ZSCAN25: variants seen among roughly 807,000 people sequenced by gnomAD.
ZSCAN25 encodes the protein zinc finger and SCAN domain-containing protein 25.
In ZSCAN25, 27 loss-of-function variants were observed where a neutral mutation model predicts 38.7. The ratio of observed to expected loss-of-function variants is 0.70; its 90% CI spans 0.51 to 0.96. The LOEUF is 0.96. Among genes scored for constraint, ZSCAN25 ranks in the 40% least tolerant of loss-of-function variants. The probability of loss-of-function intolerance (pLI) is 0.00; values close to 1 mark genes in which losing one functional copy is unlikely to be tolerated. For missense variants in ZSCAN25, 637 were observed against 705.9 expected (o/e 0.90, Z 1.11); for synonymous variants, 273 against 277.7 (o/e 0.98, Z 0.17).
chr7:99,652,552 C>G, the ZSCAN25 span: 2 of 1,598,152 alleles, frequency 1.3e-6, no homozygotes, highest in Non-Finnish European at 8.5e-7. Flanking sequence ...GAGACTTGTA[C>G]CTTTCAGGGC....
chr7:99,685,310 A>G, the ZSCAN25 span: 3 of 1,570,510 alleles, frequency 1.9e-6, no homozygotes, highest in Non-Finnish European at 2.6e-6. Context: ...AAAGTAAACA[A>G]AAAATGTATT....
chr7:99,672,164 G>T, the ZSCAN25 span, among the ~76,000 whole-genome samples: 1 of 152,178 alleles, frequency 6.6e-6, no homozygotes, highest in Admixed American at 6.5e-5. Flanking sequence ...CGATTCTCCT[G>T]TCTCAGACTA....
chr7:99,668,670 CAA>C, the ZSCAN25 span, among the ~76,000 whole-genome samples: 2 of 152,290 alleles, frequency 1.3e-5, no homozygotes, highest in Admixed American at 6.5e-5. Context: ...AATTAACTAA[CAA>C]AGAGCGAGAG....
At chr7:99,643,594 A>G in the ZSCAN25 span, among the ~76,000 whole-genome samples, 7 of 152,176 alleles carry the variant, frequency 4.6e-5, no homozygotes, top group South Asian at 1.5e-3. Context: ...TTTTATGGCC[A>G]GAGACCCAGG....
At chr7:99,683,891 C>T in the ZSCAN25 span, among the ~76,000 whole-genome samples, 2 of 152,066 alleles carry the variant, frequency 1.3e-5, no homozygotes, top group Non-Finnish European at 2.9e-5. Context: ...GGATAAGTTA[C>T]TCAGGAAGGG....
chr7:99,720,624 G>GC, the ZSCAN25 span: 1 of 511,646 alleles, frequency 2.0e-6, no homozygotes, highest in Admixed American at 3.2e-5. Context: ...GGTAATGTGG[G>GC]CCAAACAGGG....
At chr7:99,670,255 GT>G in the ZSCAN25 span, among the ~76,000 whole-genome samples, 7 of 152,154 alleles carry the variant, frequency 4.6e-5, no homozygotes, top group Admixed American at 1.3e-4. Context: ...TTTTTAGTGG[GT>G]TTGACGGCCC....
chr7:99,674,702 C>A, the ZSCAN25 span: 1 of 725,804 alleles, frequency 1.4e-6, no homozygotes, highest in Non-Finnish European at 2.3e-6. Flanking sequence ...CTTTCACTGG[C>A]AGTTGAAGGA....
chr7:99,668,934 A>G, the ZSCAN25 span, among the ~76,000 whole-genome samples: 51 of 152,262 alleles, frequency 3.3e-4, no homozygotes, highest in Non-Finnish European at 6.5e-4. Flanking sequence ...TAATATTTCA[A>G]CCTACCTTTG....
chr7:99,711,830 C>G, the ZSCAN25 span, among the ~76,000 whole-genome samples: 2 of 152,104 alleles, frequency 1.3e-5, no homozygotes, highest in Non-Finnish European at 2.9e-5. Flanking sequence ...TCAAACCCCA[C>G]CATTGAACTA....
At chr7:99,667,441 A>G in the ZSCAN25 span, among the ~76,000 whole-genome samples, 1 of 152,202 alleles carries the variant, frequency 6.6e-6, no homozygotes, top group African/African-American at 2.4e-5. Context: ...GGCAGACTGT[A>G]TGTTGCCTCA....
chr7:99,737,768 A>T, the ZSCAN25 span, among the ~76,000 whole-genome samples: 1 of 152,246 alleles, frequency 6.6e-6, no homozygotes, highest in East Asian at 1.9e-4. Flanking sequence ...ACCAACAGTG[A>T]TAGACTAATC....
At chr7:99,710,934 G>A in the ZSCAN25 span, 1 of 1,613,032 alleles carries the variant, frequency 6.2e-7, no homozygotes, top group East Asian at 2.2e-5. Context: ...TCAGGTCAAT[G>A]TAGGGCATCA....
At chr7:99,705,244 G>A in the ZSCAN25 span, 4 of 398,106 alleles carry the variant, frequency 1.0e-5, no homozygotes, top group Admixed American at 1.2e-4. Flanking sequence ...GGGTGGTGGA[G>A]ATAGTCCTAT....
At chr7:99,724,297 T>C in the ZSCAN25 span, among the ~76,000 whole-genome samples, 2 of 152,218 alleles carry the variant, frequency 1.3e-5, no homozygotes, top group Admixed American at 6.5e-5. Flanking sequence ...AACTGGACAA[T>C]GGTTCCAAAT....
At chr7:99,729,067 A>G in the ZSCAN25 span, among the ~76,000 whole-genome samples, 26 of 152,208 alleles carry the variant, frequency 1.7e-4, no homozygotes, top group Non-Finnish European at 3.5e-4. Context: ...GATAAAGACC[A>G]AAAACTCACC....
the ZSCAN25 span, among the ~76,000 whole-genome samples, chr7:99,677,386 A>C: frequency 7.9e-5 from 12 of 152,240 alleles, no homozygotes; most frequent in Non-Finnish European, 1.3e-4. Flanking sequence ...CACATGCCTC[A>C]TATGTACTTT....
chr7:99,729,879 A>T, the ZSCAN25 span, among the ~76,000 whole-genome samples: 1 of 152,194 alleles, frequency 6.6e-6, no homozygotes, highest in Non-Finnish European at 1.5e-5. Context: ...GATTAAAAAC[A>T]TTTATTGCTC....
chr7:99,713,378 C>T, the ZSCAN25 span: 1 of 1,581,412 alleles, frequency 6.3e-7, no homozygotes, highest in African/African-American at 1.3e-5. Flanking sequence ...CAGAAATTCT[C>T]ATCTACCTGG....
Sources: gnomAD v4.1 joint callset for allele counts (sites outside exome capture counted in the v4.1 genomes callset) on GRCh38, gnomAD v4.1.1 for gene constraint, MANE v1.5 for transcripts, NCBI Gene and HGNC (gene_info 2026-07-23, HGNC 2026-07-21) for gene names.